Variants in USP42 observed in about 807,000 individuals in gnomAD.
USP42 encodes the protein ubiquitin specific peptidase 42, also known as ubiquitin carboxyl-terminal hydrolase 42.
USP42 carries 23 observed loss-of-function variants against 113.0 expected under a neutral mutation model. The ratio of observed to expected loss-of-function variants is 0.20; its 90% CI spans 0.15 to 0.29. The LOEUF is 0.29. USP42 is among the 10% of genes least tolerant of loss of function. The pLI is 1.00. For synonymous variants in USP42, 933 were observed against 699.0 expected (o/e 1.33, Z -5.28); for missense variants, 2,174 against 1,779.8 (o/e 1.22, Z -3.99).
chr7:6,109,079 G>T (rs189758674), intron 1 of USP42, among the ~76,000 whole-genome samples: 261 of 152,260 alleles, frequency 1.7e-3, no homozygotes, highest in African/African-American at 5.9e-3. Context: ...CCTTGAGGAG[G>T]GGTTTCTAAC....
chr7:6,108,979 A>G (rs1779444310), intron 1 of USP42, among the ~76,000 whole-genome samples: 2 of 152,206 alleles, frequency 1.3e-5, no homozygotes, highest in Non-Finnish European at 2.9e-5. Context: ...GAGGATGTGA[A>G]TAAGAACATG....
chr7:6,098,586 C>T, the USP42 span, among the ~76,000 whole-genome samples: 2 of 150,328 alleles, frequency 1.3e-5, no homozygotes, highest in South Asian at 4.2e-4. Context: ...TCACTCTTAA[C>T]TGTCGCCCAG....
At chr7:6,089,465 A>T in the USP42 span, among the ~76,000 whole-genome samples, 825 of 150,352 alleles carry the variant, frequency 5.5e-3, 8 homozygotes, top group Non-Finnish European at 8.4e-3. Context: ...CGTAATACAT[A>T]TAGCTTCTGT....
Position 6,154,560 on chromosome 7 carries a change from C to G in USP42, c.3006C>G (p.His1002Gln), listed in dbSNP as rs772473710. 24 of 1,551,766 alleles carry G rather than the reference C, an allele frequency of 1.5e-5. No individual in the cohort carries two copies. Among genetic ancestry groups the G allele is most frequent in the Non-Finnish European group, 2.1e-5 (24 of 1,150,090 alleles). ...ACGCCCCGGAGCACCACCCCGGCCA[C>G]GGCGACAGGCTCAGCCCTGGCGAGC... ...DRHAPEHHPGHGDRLSPGERR... is the reference protein window; with the variant it reads ...DRHAPEHHPGQGDRLSPGERR... The change falls in exon 15 of 18, where the codon CAC (histidine) becomes CAG (glutamine). Residue 1002 changes from histidine to glutamine, a missense_variant. Physicochemically the swap from His to Gln is conservative, Grantham distance 24. Transcript: ENST00000306177.
At chr7:6,104,408 T>A (rs1228799542), upstream of USP42, among the ~76,000 whole-genome samples, 2 of 152,044 alleles carry the variant, frequency 1.3e-5, no homozygotes, top group Admixed American at 1.3e-4. Context: ...AAACAAAAAA[T>A]AAAGGCTGCG....
intron 2 of USP42, among the ~76,000 whole-genome samples, chr7:6,112,900 CTTTTT>C (rs34002709): frequency 5.8e-5 from 6 of 102,764 alleles, no homozygotes; most frequent in African/African-American, 1.2e-4. Flanking sequence ...TAGTAAGTTT[CTTTTT>C]TTTTTTTTTT....
Position 6,123,532 on chromosome 7 carries a change from G to A in USP42, c.442+8009G>A, listed in dbSNP as rs2128488549. On this transcript the variant is annotated intron_variant, in intron 3 of 17. Transcript: ENST00000306177. ...CAAATATTAGCCAGGCGAGGTGGCG[G>A]GCGCCTGTAGTCCCAGCTACTCGGG... Among the ~76,000 whole-genome samples the A allele has an allele frequency of 2.0e-5, 3 of 151,768 alleles. No homozygotes were observed. In the East Asian group the frequency reaches 5.9e-4, roughly 30 times the overall value.
chr7:6,082,902 C>T, the USP42 span, among the ~76,000 whole-genome samples: 16 of 148,002 alleles, frequency 1.1e-4, no homozygotes, highest in African/African-American at 3.5e-4. Flanking sequence ...TGAGCCACTG[C>T]GCCTGTGTCT....
chr7:6,090,696 C>CA, the USP42 span, among the ~76,000 whole-genome samples: 1 of 146,026 alleles, frequency 6.8e-6, no homozygotes, highest in Non-Finnish European at 1.5e-5. Flanking sequence ...GCCTGGGCGA[C>CA]AGAGTGAGAC....
chr7:6,122,772 AT>A (rs890295272), intron 3 of USP42, among the ~76,000 whole-genome samples: 43 of 145,496 alleles, frequency 3.0e-4, no homozygotes, highest in East Asian at 1.7e-3. Flanking sequence ...GTCCAGCCTA[AT>A]TTTTTTTTTA....
chr7:6,119,093 T>TA (rs1198917040), intron 3 of USP42, among the ~76,000 whole-genome samples: 2 of 151,850 alleles, frequency 1.3e-5, no homozygotes, highest in Non-Finnish European at 2.9e-5. Flanking sequence ...CTCATGCCTA[T>TA]AGTCCTAGTT....
At position 6,159,584 on chromosome 7, in the gene USP42, GGGCTGGGCTCATAGGAGTT is replaced by G; in HGVS notation, c.*36+95_*36+113del. ...GTTTTAATTCTGCGGCTCTGCCTGG[GGGCTGGGCTCATAGGAGTT>G]GGCAGAGCCATGGAGAGGCCCCGGC... On this transcript the variant is annotated intron_variant, in intron 17 of 17. Transcript: ENST00000306177. The surrounding 1 kb of genome is among the most constrained non-coding windows in gnomAD (Gnocchi z 4.1). The G allele has an allele frequency of 7.4e-7, 1 of 1,351,524 alleles. No homozygotes were observed. The highest frequency in any genetic ancestry group is 1.0e-6 in the Non-Finnish European group (1 of 963,540). The allele number at this position is 1,351,524 out of a possible 1,614,324, so 83.7% of individuals were successfully genotyped here. A position where few individuals can be genotyped will look rare whatever the true frequency, so the allele number is the denominator to read the frequency against.
intron 1 of USP42, 23 bp from the exon 2 acceptor site, chr7:6,111,102 T>TA: frequency 6.3e-7 from 1 of 1,597,776 alleles, no homozygotes; most frequent in African/African-American, 1.3e-5. Context: ...ATGAAACAAA[T>TA]ACATACTTTT....
chr7:6,141,758 T>A (rs1226014419), intron 7 of USP42, among the ~76,000 whole-genome samples: 1 of 152,196 alleles, frequency 6.6e-6, no homozygotes, highest in Admixed American at 6.5e-5. Context: ...TTTGTTGTTT[T>A]TGAGCTTGCA....
At chr7:6,086,890 T>C in the USP42 span, among the ~76,000 whole-genome samples, 22 of 149,744 alleles carry the variant, frequency 1.5e-4, 1 homozygote, top group African/African-American at 5.5e-4. Flanking sequence ...CATACCTGGC[T>C]AAATTTTTTG....
chr7:6,141,672 T>C (rs1212340688), intron 7 of USP42, among the ~76,000 whole-genome samples: 1 of 151,860 alleles, frequency 6.6e-6, no homozygotes, highest in African/African-American at 2.4e-5. Flanking sequence ...ATTTCCCCTG[T>C]CTCAGCCTCC....
At chr7:6,108,926 G>C (rs1305187602) in intron 1 of USP42, among the ~76,000 whole-genome samples, 1 of 152,230 alleles carries the variant, frequency 6.6e-6, no homozygotes, top group Non-Finnish European at 1.5e-5. Context: ...TGTTCATTAA[G>C]TTGTTCTCCA....
chr7:6,154,116 G>T lies in USP42; in HGVS notation c.2562G>T (p.Gly854=). ...CGGCGTTGGCGGAAGCCCCGGAAGG[G>T]TTGAGTCCGGCTCCGCCTGCGCGGT... ...RDSALAEAPE[G]LSPAPPARSE... The change falls in exon 15 of 18, where the codon GGG becomes GGT. Residue 854 remains glycine, a synonymous_variant. Transcript: ENST00000306177. The T allele has an allele frequency of 1.2e-6, 2 of 1,603,024 alleles. No individual in the cohort carries two copies. The highest frequency in any genetic ancestry group is 1.7e-6 in the Non-Finnish European group (2 of 1,177,384).
intron 3 of USP42, among the ~76,000 whole-genome samples, chr7:6,126,478 G>C (rs1041307911): frequency 6.6e-6 from 1 of 152,078 alleles, no homozygotes; most frequent in African/African-American, 2.4e-5. Context: ...AGTAGAGACG[G>C]GTTTCACCGT....
Sources: allele counts gnomAD v4.1 joint callset (sites outside exome capture counted in the v4.1 genomes callset), GRCh38; gene constraint gnomAD v4.1.1; non-coding constraint Gnocchi (gnomAD v3.1); transcripts MANE v1.5; gene names NCBI Gene and HGNC (gene_info 2026-07-23, HGNC 2026-07-21).